The following TNKS variants were observed in gnomAD, a reference collection of about 807,000 sequenced individuals.
TNKS encodes the protein poly [ADP-ribose] polymerase tankyrase-1.
In TNKS, 72 loss-of-function variants were observed where a neutral mutation model predicts 135.8. The ratio of observed to expected loss-of-function variants is 0.53; its 90% CI spans 0.44 to 0.64. The LOEUF (loss-of-function observed/expected upper bound fraction) is 0.64, where lower values mean the gene tolerates loss of function less well. Among genes scored for constraint, TNKS ranks in the 30% least tolerant of loss-of-function variants. The pLI is 0.00. For synonymous variants in TNKS, 849 were observed against 649.3 expected, an observed-to-expected ratio of 1.31 and a Z score of -4.68; for missense variants, 1,769 against 1,674.0, an observed-to-expected ratio of 1.06 and a Z score of -0.99.
At chr8:9,717,837 A>C (rs1329982640) in intron 11 of TNKS, among the ~76,000 whole-genome samples, 1 of 152,162 alleles carries the variant, frequency 6.6e-6, no homozygotes, top group Non-Finnish European at 1.5e-5. Context: ...ATAAACAGTT[A>C]TTTCTGTTGG....
chr8:9,572,527 C>T (rs1231629104), intron 1 of TNKS, among the ~76,000 whole-genome samples: 1 of 152,190 alleles, frequency 6.6e-6, no homozygotes, highest in Non-Finnish European at 1.5e-5. Context: ...TGTTTCATGT[C>T]ACTAGTCTTT....
intron 3 of TNKS, among the ~76,000 whole-genome samples, chr8:9,636,092 A>G (rs1462308630): frequency 6.6e-6 from 1 of 152,200 alleles, no homozygotes; most frequent in Non-Finnish European, 1.5e-5. Context: ...GAAATAATGT[A>G]TCGATGTATT....
At chr8:9,673,733 G>A (rs1249139312) in intron 3 of TNKS, among the ~76,000 whole-genome samples, 5 of 152,108 alleles carry the variant, frequency 3.3e-5, no homozygotes, top group African/African-American at 9.6e-5. Flanking sequence ...GTGAGCCACC[G>A]CACCCGGCCT....
rs540386066 is a variant in TNKS at position 9,611,193 on chromosome 8, G to A, written c.899-4389G>A. ...GAAAGGAGATGAATAGAGCTGAGAC[G>A]CATTAGTAAAACAATTAGAAATCAC... On this transcript the variant is annotated intron_variant, in intron 2 of 26. Coordinates refer to ENST00000310430, the MANE Select transcript of TNKS (RefSeq NM_003747.3). Among the ~76,000 whole-genome samples the A allele has an allele frequency of 5.9e-5, 9 of 152,288 alleles. No individual in the cohort carries two copies. The South Asian group carries it at 1.0e-3, about 18-fold the overall frequency.
intron 2 of TNKS, among the ~76,000 whole-genome samples, chr8:9,601,728 G>A (rs984787659): frequency 1.3e-5 from 2 of 152,066 alleles, no homozygotes; most frequent in Non-Finnish European, 2.9e-5. Context: ...GATAAAGTCA[G>A]TACTCAAAGA....
intron 26 of TNKS, among the ~76,000 whole-genome samples, chr8:9,776,002 C>T (rs953383542): frequency 1.3e-5 from 2 of 150,534 alleles, no homozygotes; most frequent in Non-Finnish European, 3.0e-5. Flanking sequence ...TTTTCCTGCT[C>T]CCACCAAGAA....
intron 2 of TNKS, among the ~76,000 whole-genome samples, chr8:9,614,186 C>T (rs1000665971): frequency 1.3e-5 from 2 of 152,076 alleles, no homozygotes; most frequent in Non-Finnish European, 2.9e-5. Context: ...ATAGCTGTAC[C>T]CATTATGATG....
intron 2 of TNKS, among the ~76,000 whole-genome samples, chr8:9,614,903 A>G (rs1799582845): frequency 1.3e-5 from 2 of 152,154 alleles, no homozygotes; most frequent in African/African-American, 4.8e-5. Context: ...CCCAGTAGCT[A>G]CTTTTTACCC....
intron 1 of TNKS, among the ~76,000 whole-genome samples, chr8:9,570,346 G>A (rs545654620): frequency 1.2e-4 from 18 of 152,244 alleles, no homozygotes; most frequent in Non-Finnish European, 1.9e-4. Flanking sequence ...ATAGCAGCAG[G>A]TTCAAGAGGC....
In TNKS at chr8:9,556,076, C is replaced by A. The variant is rs1815274738; in HGVS notation, c.137C>A (p.Ala46Asp). The change falls in exon 1 of 27, where the codon GCC (alanine) becomes GAC (aspartate). Residue 46 changes from alanine to aspartate, a missense_variant. By Grantham distance (126) the Ala-to-Asp change is moderately radical. Transcript: ENST00000310430. ...SPGLAPGTTP[A>D]SPTASGLAPF... ...GGCCTGGCCCCGGGGACCACCCCAG[C>A]CTCTCCCACGGCCAGCGGCCTGGCC... is the stretch of plus-strand genomic sequence containing the variant. 6.2e-7 allele frequency: 1 copy of A among 1,606,348 alleles called. No individual in the cohort carries two copies. The highest frequency in any genetic ancestry group is 8.5e-7 in the Non-Finnish European group (1 of 1,177,064).
At chr8:9,595,857 A>C (rs1301847267) in intron 2 of TNKS, among the ~76,000 whole-genome samples, 1 of 152,034 alleles carries the variant, frequency 6.6e-6, no homozygotes, top group East Asian at 1.9e-4. Flanking sequence ...TCATACCTCT[A>C]ATCTTGGCAC....
At chr8:9,602,747 A>T (rs1799065289) in intron 2 of TNKS, among the ~76,000 whole-genome samples, 1 of 152,234 alleles carries the variant, frequency 6.6e-6, no homozygotes, top group African/African-American at 2.4e-5. Context: ...CATAGAAAAG[A>T]AATGTGATAC....
intron 5 of TNKS, among the ~76,000 whole-genome samples, chr8:9,695,081 A>G (rs1803449098): frequency 6.6e-6 from 1 of 152,142 alleles, no homozygotes. Context: ...CTAAAATTCC[A>G]TTTGGATTAA....
intron 2 of TNKS, among the ~76,000 whole-genome samples, chr8:9,596,909 A>G (rs541561589): frequency 5.3e-4 from 80 of 152,376 alleles, no homozygotes; most frequent in Middle Eastern, 3.4e-3. Flanking sequence ...TCACTGTCAT[A>G]GGTATTTTTC....
At chr8:9,707,083 T>A in intron 8 of TNKS, 86 bp downstream of exon 8, 1 of 1,179,218 alleles carries the variant, frequency 8.5e-7, no homozygotes, top group Non-Finnish European at 1.2e-6. Flanking sequence ...ATAATAACCT[T>A]CCATTCTTAC....
chr8:9,773,532 T>C (rs1808059137), intron 26 of TNKS, among the ~76,000 whole-genome samples: 1 of 152,186 alleles, frequency 6.6e-6, no homozygotes, highest in Non-Finnish European at 1.5e-5. Context: ...ATATAAGTTA[T>C]CTGTAGTGGT....
intron 3 of TNKS, chr8:9,670,842 T>C (rs765571553): frequency 6.6e-6 from 1 of 152,232 alleles, no homozygotes; most frequent in African/African-American, 2.4e-5. Context: ...GTTTATGTGT[T>C]ATCCAGAACT....
chr8:9,779,258 T>C lies in TNKS; in HGVS notation c.*2522T>C, dbSNP rs1486183808. 6.6e-6 allele frequency: 1 copy of C among 152,632 alleles called. No homozygotes were observed. The highest frequency in any genetic ancestry group is 1.5e-5 in the Non-Finnish European group (1 of 68,042). 9.5% of individuals were successfully genotyped at this position (152,632 alleles called of 1,614,324 possible). ...TAGGACAAGTTTATTACATTTGGGATTTTCATCTGTAGCCGTATGAAGAAC... is the reference window on the plus strand; with the variant it reads ...TAGGACAAGTTTATTACATTTGGGACTTTCATCTGTAGCCGTATGAAGAAC... On this transcript the variant is annotated 3_prime_UTR_variant, in exon 27 of 27. Transcript: ENST00000310430.
chr8:9,772,323 T>C (rs1329560277), intron 26 of TNKS: 3 of 450,044 alleles, frequency 6.7e-6, no homozygotes, highest in South Asian at 1.6e-5. Context: ...ATAATCAAAA[T>C]CAACATCACC....
Sources: allele counts gnomAD v4.1 joint callset (sites outside exome capture counted in the v4.1 genomes callset), GRCh38; gene constraint gnomAD v4.1.1; transcripts MANE v1.5; gene names NCBI Gene and HGNC (gene_info 2026-07-23, HGNC 2026-07-21).